Variants in TMT1B observed in about 807,000 individuals in gnomAD.
TMT1B encodes the protein thiol methyltransferase 1B.
At chr12:55,683,957 G>T in the TMT1B span, 1 of 1,613,950 alleles carries the variant, frequency 6.2e-7, no homozygotes, top group Non-Finnish European at 8.5e-7. Context: ...TCTTGAGAAC[G>T]CCCAGTTCTC....
the TMT1B span, chr12:55,681,904 G>T: frequency 6.2e-7 from 1 of 1,613,422 alleles, no homozygotes; most frequent in Non-Finnish European, 8.5e-7. Flanking sequence ...GCAACCGCAA[G>T]ATGGAGAGCA....
At chr12:55,682,050 C>T in the TMT1B span, 3 of 1,614,222 alleles carry the variant, frequency 1.9e-6, no homozygotes, top group Middle Eastern at 1.6e-4. Context: ...TGCCTAGACC[C>T]AAATCCCCAC....
At chr12:55,682,335 G>A in the TMT1B span, 17 of 1,368,454 alleles carry the variant, frequency 1.2e-5, no homozygotes, top group East Asian at 4.9e-5. Context: ...AGAATGGGGC[G>A]TCTGAGGTAG....
the TMT1B span, chr12:55,683,748 A>G: frequency 1.0e-5 from 15 of 1,497,954 alleles, no homozygotes; most frequent in Admixed American, 2.2e-4. Context: ...GACTGTCTTG[A>G]TCAGCGCGAT....
At chr12:55,683,814 G>T in the TMT1B span, 2 of 1,613,790 alleles carry the variant, frequency 1.2e-6, no homozygotes, top group African/African-American at 2.7e-5. Context: ...CCCTCCCAGG[G>T]AGGTGTGCTC....
the TMT1B span, chr12:55,681,964 G>C: frequency 3.7e-6 from 6 of 1,614,202 alleles, no homozygotes; most frequent in Non-Finnish European, 5.1e-6. Flanking sequence ...GAGCCTCCGG[G>C]AAAGTGGCCC....
the TMT1B span, chr12:55,682,352 G>A: frequency 8.4e-7 from 1 of 1,183,658 alleles, no homozygotes; most frequent in South Asian, 1.5e-5. Context: ...GTAGTAAGTA[G>A]CACATTAGAC....
At chr12:55,683,887 C>T in the TMT1B span, 357 of 1,614,068 alleles carry the variant, frequency 2.2e-4, 7 homozygotes, top group South Asian at 3.5e-3. Flanking sequence ...AGCAAGTTTT[C>T]GAGCCCACCT....
chr12:55,682,271 G>A, the TMT1B span: 1 of 1,600,444 alleles, frequency 6.2e-7, no homozygotes, highest in Non-Finnish European at 8.5e-7. Context: ...GGTGGGAAGG[G>A]GATGGGTGTG....
the TMT1B span, chr12:55,682,366 C>T: frequency 2.1e-6 from 2 of 973,488 alleles, no homozygotes; most frequent in Non-Finnish European, 3.0e-6. Flanking sequence ...ATTAGACACC[C>T]CATCCACCTC....
At chr12:55,682,789 AAAT>A in the TMT1B span, among the ~76,000 whole-genome samples, 1 of 85,462 alleles carries the variant, frequency 1.2e-5, no homozygotes, top group South Asian at 4.5e-4. Context: ...GTATCAAAAA[AAAT>A]AAATAAATAA....
the TMT1B span, chr12:55,684,065 A>G: frequency 2.5e-6 from 4 of 1,610,524 alleles, no homozygotes; most frequent in East Asian, 8.9e-5. Flanking sequence ...CCCAAGCTCC[A>G]AGGCACTCAT....
At chr12:55,682,336 T>C in the TMT1B span, 8 of 1,369,530 alleles carry the variant, frequency 5.8e-6, no homozygotes, top group Non-Finnish European at 8.0e-6. Flanking sequence ...GAATGGGGCG[T>C]CTGAGGTAGT....
At chr12:55,683,993 C>G in the TMT1B span, 2 of 1,613,938 alleles carry the variant, frequency 1.2e-6, no homozygotes, top group East Asian at 4.5e-5. Context: ...ACGACAGCCC[C>G]CTCCCTTGAA....
chr12:55,683,507 T>C, the TMT1B span, among the ~76,000 whole-genome samples: 1 of 151,886 alleles, frequency 6.6e-6, no homozygotes, highest in Non-Finnish European at 1.5e-5. Flanking sequence ...AAAATAATAA[T>C]AATAATAATA....
the TMT1B span, chr12:55,683,959 C>A: frequency 6.2e-7 from 1 of 1,614,074 alleles, no homozygotes; most frequent in South Asian, 1.1e-5. Flanking sequence ...TTGAGAACGC[C>A]CAGTTCTCCG....
the TMT1B span, chr12:55,684,115 C>G: frequency 6.9e-7 from 1 of 1,447,030 alleles, no homozygotes; most frequent in Non-Finnish European, 9.6e-7. Flanking sequence ...AAGCCACCCA[C>G]CAGCCTATCT....
chr12:55,684,073 C>G, the TMT1B span: 2 of 1,603,874 alleles, frequency 1.2e-6, no homozygotes, highest in Admixed American at 3.3e-5. Flanking sequence ...CCAAGGCACT[C>G]ATTTGCTCCT....
At chr12:55,683,813 G>A in the TMT1B span, 3 of 1,613,906 alleles carry the variant, frequency 1.9e-6, no homozygotes, top group Admixed American at 5.0e-5. Flanking sequence ...TCCCTCCCAG[G>A]GAGGTGTGCT....
Sources: allele counts gnomAD v4.1 joint callset (sites outside exome capture counted in the v4.1 genomes callset), GRCh38; gene constraint gnomAD v4.1.1; transcripts MANE v1.5; gene names NCBI Gene and HGNC (gene_info 2026-07-23, HGNC 2026-07-21).